The following TRPM3 variants were observed in gnomAD, a reference collection of about 807,000 sequenced individuals.
TRPM3 encodes the protein transient receptor potential cation channel subfamily M member 3.
TRPM3 carries 77 observed loss-of-function variants against 181.2 expected under a neutral mutation model. The ratio of observed to expected loss-of-function variants is 0.42; its 90% CI spans 0.35 to 0.51. The LOEUF (loss-of-function observed/expected upper bound fraction) is 0.51, where lower values mean the gene tolerates loss of function less well. TRPM3 is among the 20% of genes least tolerant of loss of function. The pLI, the probability that TRPM3 is intolerant of heterozygous loss-of-function variation, is 0.01. For missense variants in TRPM3, 1,759 were observed against 2,196.7 expected (o/e 0.80, Z 3.98); for synonymous variants, 745 against 796.4 (o/e 0.94, Z 1.09).
chr9:71,284,298 T>G (rs907880989), intron 1 of TRPM3, among the ~76,000 whole-genome samples: 2 of 152,230 alleles, frequency 1.3e-5, no homozygotes, highest in African/African-American at 2.4e-5. Context: ...TTAAAAGACA[T>G]CTAGTGATTC....
chr9:70,892,668 A>T lies in TRPM3; in HGVS notation c.178-28157T>A, dbSNP rs2096226648. Among the ~76,000 whole-genome samples the T allele has an allele frequency of 2.6e-5, 4 of 151,770 alleles. No individual in the cohort carries two copies. The South Asian group carries it at 8.4e-4, about 32-fold the overall frequency. On this transcript the variant is annotated intron_variant, in intron 1 of 25. Coordinates refer to ENST00000677713, the MANE Select transcript of TRPM3 (RefSeq NM_001366145.2). ...GCATTTATGAGAATCTATCACATTCATGGATGGTTAAGACCAGTTCTAAAT... is the reference window on the plus strand; with the variant it reads ...GCATTTATGAGAATCTATCACATTCTTGGATGGTTAAGACCAGTTCTAAAT...
intron 1 of TRPM3, among the ~76,000 whole-genome samples, chr9:70,888,362 G>GGGGTGTGTGTGT (rs753777667): frequency 7.0e-6 from 1 of 143,624 alleles, no homozygotes; most frequent in African/African-American, 2.6e-5. Flanking sequence ...TTTATTTTGG[G>GGGGTGTGTGTGT]GTGTGTGTGT....
At chr9:70,770,634 G>T (rs1371300470) in intron 7 of TRPM3, among the ~76,000 whole-genome samples, 2 of 152,130 alleles carry the variant, frequency 1.3e-5, no homozygotes, top group Admixed American at 1.3e-4. Context: ...TTATTTACCA[G>T]TGAGGGATCT....
chr9:71,100,738 A>G (rs1387618074), intron 1 of TRPM3, among the ~76,000 whole-genome samples: 1 of 152,092 alleles, frequency 6.6e-6, no homozygotes, highest in African/African-American at 2.4e-5. Context: ...CTCCTTGCCC[A>G]CTGACTTATT....
chr9:71,005,731 G>A (rs1018816479), intron 1 of TRPM3, among the ~76,000 whole-genome samples: 1 of 152,008 alleles, frequency 6.6e-6, no homozygotes, highest in Non-Finnish European at 1.5e-5. Context: ...CAAAAGCTGG[G>A]GGTTTAATCA....
At chr9:70,753,131 T>C (rs2135121418) in intron 8 of TRPM3, among the ~76,000 whole-genome samples, 1 of 152,080 alleles carries the variant, frequency 6.6e-6, no homozygotes, top group South Asian at 2.1e-4. Context: ...AAATACACTA[T>C]GATGTTCACA....
rs2093971713 is a variant in TRPM3, at chr9:71,432,422, TTA to T, written c.183+14229_183+14230del. On this transcript the variant is annotated intron_variant, in intron 1 of 24. Transcript: ENST00000357533. ...GGATGTTTGGTCTTAATAATATGAA[TTA>T]AGCTCTTGTTTTAGTTACTGTTACC... Among the ~76,000 whole-genome samples, 3 of 150,570 alleles carry T rather than the reference TTA, an allele frequency of 2.0e-5. No individual in the cohort carries two copies. The East Asian group carries it at 5.9e-4, about 30-fold the overall frequency.
intron 1 of TRPM3, among the ~76,000 whole-genome samples, chr9:71,043,282 G>A (rs2059038906): frequency 6.6e-6 from 1 of 152,132 alleles, no homozygotes; most frequent in South Asian, 2.1e-4. Context: ...AACAGCTGCT[G>A]TATTTTGGAT....
rs398010878 is a variant in TRPM3, at chr9:71,296,988, C to CTTTTTTTTT, written c.183+149656_183+149664dup. Among the ~76,000 whole-genome samples the CTTTTTTTTT allele has an allele frequency of 1.0e-4, 10 of 97,854 alleles. 1 individual carries two copies. The highest frequency in any genetic ancestry group is 3.8e-4 in the African/African-American group (10 of 26,048). 64.2% of individuals were successfully genotyped at this position (97,854 alleles called of 152,430 possible). A position where few individuals can be genotyped will look rare whatever the true frequency, so the allele number is the denominator to read the frequency against. On this transcript the variant is annotated intron_variant, in intron 1 of 24. Transcript: ENST00000357533. ...AACAAACATGGGATGTGAATCTTTT[C>CTTTTTTTTT]TTTTTTTTTTTTTTTTTTTTTGAGA...
chr9:71,069,872 T>C (rs2062495977), intron 1 of TRPM3, among the ~76,000 whole-genome samples: 1 of 152,136 alleles, frequency 6.6e-6, no homozygotes, highest in Non-Finnish European at 1.5e-5. Context: ...CCTCCCAAAG[T>C]GCTGGGACTA....
chr9:71,057,011 G>A (rs1164984570), intron 1 of TRPM3, among the ~76,000 whole-genome samples: 1 of 152,022 alleles, frequency 6.6e-6, no homozygotes, highest in African/African-American at 2.4e-5. Context: ...AAGCATGGGT[G>A]CTGTGTTTTA....
Position 71,065,297 on chromosome 9 carries a change from T to C in TRPM3, c.177+55881A>G, listed in dbSNP as rs182936670. Among the ~76,000 whole-genome samples, 157 of 152,268 alleles carry C rather than the reference T, an allele frequency of 1.0e-3. 4 individuals are homozygous for C. Among genetic ancestry groups the C allele is most frequent in the Admixed American group, 9.7e-3 (148 of 15,282 alleles). ...GCTAAGTTATTAAAAATGCCACTAA[T>C]TGGTTTAAAGTTCCTTTAGCGTTAT... On this transcript the variant is annotated intron_variant, in intron 1 of 25. Transcript: ENST00000677713.
At chr9:70,970,053 T>C (rs1158656892) in intron 1 of TRPM3, among the ~76,000 whole-genome samples, 1 of 152,052 alleles carries the variant, frequency 6.6e-6, no homozygotes, top group Non-Finnish European at 1.5e-5. Context: ...AACTTTATCA[T>C]CAGACAGAGT....
intron 7 of TRPM3, among the ~76,000 whole-genome samples, chr9:70,779,538 A>T (rs995695159): frequency 3.9e-5 from 6 of 152,166 alleles, no homozygotes; most frequent in African/African-American, 1.4e-4. Context: ...ATTTCTCTGC[A>T]GTCTGACACT....
intron 1 of TRPM3, among the ~76,000 whole-genome samples, chr9:71,023,934 A>G (rs779681790): frequency 1.3e-5 from 2 of 152,234 alleles, no homozygotes; most frequent in Non-Finnish European, 2.9e-5. Flanking sequence ...GTGTGGTTAC[A>G]TGAACATACA....
chr9:70,819,800 G>A (rs2093014039), intron 6 of TRPM3, among the ~76,000 whole-genome samples: 1 of 152,170 alleles, frequency 6.6e-6, no homozygotes, highest in Non-Finnish European at 1.5e-5. Context: ...ACCCAAGGTT[G>A]ATGTTCACAA....
At chr9:71,258,341 C>T (rs1278511116) in intron 1 of TRPM3, among the ~76,000 whole-genome samples, 1 of 152,192 alleles carries the variant, frequency 6.6e-6, no homozygotes, top group Non-Finnish European at 1.5e-5. Context: ...TGATCTCTTG[C>T]ACCACCTGGA....
intron 1 of TRPM3, among the ~76,000 whole-genome samples, chr9:71,086,605 A>T (rs2065303947): frequency 6.6e-6 from 1 of 152,020 alleles, no homozygotes; most frequent in Non-Finnish European, 1.5e-5. Context: ...GATGGAGAGT[A>T]AAGTCTTCTT....
chr9:71,343,947 T>C (rs1425230224), intron 1 of TRPM3, among the ~76,000 whole-genome samples: 1 of 152,094 alleles, frequency 6.6e-6, no homozygotes, highest in African/African-American at 2.4e-5. Flanking sequence ...TCTGGGACAA[T>C]TTGAGTATCA....
Sources: allele counts gnomAD v4.1 joint callset (sites outside exome capture counted in the v4.1 genomes callset), GRCh38; gene constraint gnomAD v4.1.1; transcripts MANE v1.5; gene names NCBI Gene and HGNC (gene_info 2026-07-23, HGNC 2026-07-21).